The following ANKDD1B variants were observed in gnomAD, a reference collection of about 807,000 sequenced individuals.
ANKDD1B encodes ankyrin repeat and death domain containing 1B.
In ANKDD1B, 57 loss-of-function variants were observed where a neutral mutation model predicts 59.7. The observed-to-expected ratio is 0.95, with a 90% CI of 0.77 to 1.19. The LOEUF is 1.19. ANKDD1B is among the 50% of genes most tolerant of loss of function. ANKDD1B has a pLI of 0.00. For missense variants in ANKDD1B, 602 were observed against 641.9 expected, an observed-to-expected ratio of 0.94 and a Z score of 0.67; for synonymous variants, 216 against 239.5, an observed-to-expected ratio of 0.90 and a Z score of 0.91.
chr5:75,625,649 C>A lies in ANKDD1B; in HGVS notation c.399C>A (p.His133Gln), dbSNP rs755565216. The change falls in exon 4 of 14, where the codon CAC becomes CAA. Residue 133 changes from histidine (H) to glutamine (Q), a missense_variant and splice_region_variant. Coordinates refer to ENST00000601380, the MANE Select transcript of ANKDD1B (RefSeq NM_001276713.2). ...HKARVDVADK[H>Q]GLTVIHLAAW... ...CTTTTTCTGTCTTCTTGGGGAAGCA[C>A]GGCTTGACAGTAATTCACCTTGCAG... 3 of 1,535,976 alleles carry A rather than the reference C, an allele frequency of 2.0e-6. No homozygotes were observed. Among genetic ancestry groups the A allele is most frequent in the Non-Finnish European group, 2.6e-6 (3 of 1,146,758 alleles).
At chr5:75,616,733 G>C in intron 1 of ANKDD1B, 71 bp from the exon 2 acceptor site, 2 of 644,944 alleles carry the variant, frequency 3.1e-6, no homozygotes, top group Middle Eastern at 2.5e-4. Flanking sequence ...TACAAGGTTT[G>C]CCCTATGAAA....
At position 75,659,361 on chromosome 5, in the gene ANKDD1B, G is replaced by T. The variant is rs1775056944; in HGVS notation, c.1075G>T (p.Asp359Tyr). ...GGAAACCCTGCTGAAGGCAGGCTGT[G>T]ACTTGAAGGCTGTTGACAAGGTAAG... ...LVETLLKAGC[D>Y]LKAVDKQGKT... The change falls in exon 10 of 14, where the codon GAC becomes TAC. Residue 359 changes from aspartate to tyrosine, a missense_variant. Physicochemically the swap from Asp to Tyr is radical, Grantham distance 160. Around this residue, in one of 3 missense-constraint regions of ANKDD1B, gnomAD observed 280 missense variants for 319.8 expected, o/e 0.88. Transcript: ENST00000601380. 1 of 1,535,800 alleles carries T rather than the reference G, an allele frequency of 6.5e-7. No homozygotes were observed. Among genetic ancestry groups the T allele is most frequent in the Admixed American group, 2.0e-5 (1 of 50,980 alleles).
In ANKDD1B at chr5:75,615,911, T is replaced by C. The variant is rs571322448; in HGVS notation, c.194-893T>C. 2.0e-5 allele frequency among the ~76,000 whole-genome samples: 3 copies of C among 152,276 alleles called. No individual in the cohort carries two copies. The South Asian group carries it at 6.2e-4, about 32-fold the overall frequency. On this transcript the variant is annotated intron_variant, in intron 1 of 13. Coordinates refer to ENST00000601380, the MANE Select transcript of ANKDD1B (RefSeq NM_001276713.2). The stretch of plus-strand genomic sequence containing the variant: ...TATTTCCCAAGAAGATACTCCTTGG[T>C]TGGTCCTTGATTGGACTTGGCAGTA...
intron 7 of ANKDD1B, among the ~76,000 whole-genome samples, chr5:75,652,168 T>C (rs1218064439): frequency 2.0e-5 from 3 of 152,174 alleles, no homozygotes; most frequent in African/African-American, 7.2e-5. Context: ...TGCAAATACT[T>C]TGTAGCAGTC....
At chr5:75,644,030 T>C (rs1190776448) in intron 7 of ANKDD1B, among the ~76,000 whole-genome samples, 2 of 102,664 alleles carry the variant, frequency 1.9e-5, no homozygotes, top group Non-Finnish European at 3.4e-5. Flanking sequence ...TAAAATACTG[T>C]ATAGACAAGC....
intron 11 of ANKDD1B, among the ~76,000 whole-genome samples, chr5:75,664,856 T>C (rs1463656455): frequency 2.0e-5 from 3 of 152,294 alleles, no homozygotes; most frequent in South Asian, 2.1e-4. Flanking sequence ...CCGGTGACAA[T>C]TGGGGTCCTG....
chr5:75,667,029 T>G lies in ANKDD1B; in HGVS notation c.1393+36T>G, dbSNP rs1169636226. Reference sequence around the variant, plus strand: ...ACTAGATGATGTGGGCAGGAGGAATTCACTGTTAGGAACAGCAGTGCCTCC... The same window carrying G: ...ACTAGATGATGTGGGCAGGAGGAATGCACTGTTAGGAACAGCAGTGCCTCC... On this transcript the variant is annotated intron_variant, in intron 12 of 13. Coordinates refer to ENST00000601380, the MANE Select transcript of ANKDD1B (RefSeq NM_001276713.2). 2.2e-6 allele frequency: 3 copies of G among 1,344,590 alleles called. No individual in the cohort carries two copies. In the African/African-American group the frequency reaches 4.4e-5, roughly 20 times the overall value. The allele number at this position is 1,344,590 out of a possible 1,614,324, so 83.3% of individuals were successfully genotyped here.
chr5:75,667,062 A>C, intron 12 of ANKDD1B, 69 bp downstream of exon 12: 1 of 1,037,926 alleles, frequency 9.6e-7, no homozygotes, highest in South Asian at 2.3e-5. Flanking sequence ...TCCTGGTGTG[A>C]GGTCTTCCAA....
At chr5:75,653,640 G>T (rs911401227) in intron 8 of ANKDD1B, among the ~76,000 whole-genome samples, 3 of 152,130 alleles carry the variant, frequency 2.0e-5, no homozygotes, top group Non-Finnish European at 4.4e-5. Flanking sequence ...TCTTTTGAAA[G>T]TCAATTCTTC....
At chr5:75,629,465 G>T (rs1774089931) in intron 5 of ANKDD1B, among the ~76,000 whole-genome samples, 1 of 152,064 alleles carries the variant, frequency 6.6e-6, no homozygotes, top group South Asian at 2.1e-4. Flanking sequence ...GTAAAGGAAG[G>T]TCAGGTTGAA....
At chr5:75,618,743 TG>T (rs1773775385) in intron 2 of ANKDD1B, among the ~76,000 whole-genome samples, 1 of 151,900 alleles carries the variant, frequency 6.6e-6, no homozygotes, top group African/African-American at 2.4e-5. Context: ...TGGGTTTTTT[TG>T]TTTTGTTTTG....
intron 9 of ANKDD1B, 137 bp downstream of exon 9, chr5:75,656,264 C>T (rs1327189196): frequency 5.9e-6 from 3 of 506,844 alleles, no homozygotes; most frequent in African/African-American, 3.9e-5. Context: ...TATCCTTTTC[C>T]TTCTGTAACT....
chr5:75,634,254 C>T (rs1329014538), intron 5 of ANKDD1B, among the ~76,000 whole-genome samples: 2 of 152,180 alleles, frequency 1.3e-5, no homozygotes, highest in African/African-American at 4.8e-5. Context: ...TATATTTGAG[C>T]TTATCTTCTA....
chr5:75,651,490 A>T (rs1248208509), intron 7 of ANKDD1B, among the ~76,000 whole-genome samples: 1 of 152,186 alleles, frequency 6.6e-6, no homozygotes, highest in Non-Finnish European at 1.5e-5. Context: ...AGGGAAGGAG[A>T]GGCGCTGAAA....
chr5:75,636,073 G>A lies in ANKDD1B; in HGVS notation c.798+191G>A, dbSNP rs182852615. On this transcript the variant is annotated intron_variant, in intron 7 of 13. Coordinates refer to ENST00000601380, the MANE Select transcript of ANKDD1B (RefSeq NM_001276713.2). The stretch of plus-strand genomic sequence containing the variant: ...CATTTGTTAATCCATTCATTTATTC[G>A]TGCATTCATTCAAATAACGTTGTTT... Among the ~76,000 whole-genome samples, 198 of 152,168 alleles carry A rather than the reference G, an allele frequency of 1.3e-3. 1 individual carries two copies. The highest frequency in any genetic ancestry group is 8.1e-3 in the Admixed American group (124 of 15,288).
chr5:75,619,627 G>A lies in ANKDD1B; in HGVS notation c.298-688G>A, dbSNP rs183629380. Among the ~76,000 whole-genome samples, 28 of 152,348 alleles carry A rather than the reference G, an allele frequency of 1.8e-4. 1 individual carries two copies. The East Asian group carries it at 5.4e-3, about 29-fold the overall frequency. ...CATCTTATTTGGGAGCAAAAGCAGTGTCTAGAATATGGGGAATATGACACA... is the reference window on the plus strand; with the variant it reads ...CATCTTATTTGGGAGCAAAAGCAGTATCTAGAATATGGGGAATATGACACA... On this transcript the variant is annotated intron_variant, in intron 2 of 13. Transcript: ENST00000601380.
At chr5:75,632,896 T>C (rs1265482178) in intron 5 of ANKDD1B, among the ~76,000 whole-genome samples, 1 of 152,224 alleles carries the variant, frequency 6.6e-6, no homozygotes, top group Non-Finnish European at 1.5e-5. Context: ...GCACATTATC[T>C]GGCATATTCA....
At chr5:75,615,676 G>A (rs1239039929) in intron 1 of ANKDD1B, among the ~76,000 whole-genome samples, 1 of 150,752 alleles carries the variant, frequency 6.6e-6, no homozygotes, top group Non-Finnish European at 1.5e-5. Flanking sequence ...CCCTGTGTGT[G>A]TGTGTGTGTG....
At chr5:75,668,844 C>T (rs551617663) in intron 12 of ANKDD1B, among the ~76,000 whole-genome samples, 8 of 152,248 alleles carry the variant, frequency 5.3e-5, no homozygotes, top group Middle Eastern at 3.4e-3. Context: ...CAGCAGCACC[C>T]GGGAGTTTGT....
Sources: gnomAD v4.1 joint callset for allele counts (sites outside exome capture counted in the v4.1 genomes callset) on GRCh38, gnomAD v4.1.1 for gene constraint, gnomAD v4.1.1 regional missense constraint, MANE v1.5 for transcripts, NCBI Gene and HGNC (gene_info 2026-07-23, HGNC 2026-07-21) for gene names.